The following JAZF1 variants were observed in gnomAD, a reference collection of about 807,000 sequenced individuals.
The protein encoded by JAZF1 is juxtaposed with another zinc finger protein 1.
JAZF1 carries 8 observed loss-of-function variants against 26.4 expected under a neutral mutation model. That is an observed-to-expected ratio of 0.30 (90% CI 0.18 to 0.55). JAZF1 has a LOEUF of 0.55. Ranked by LOEUF, JAZF1 falls within the 20% of genes least tolerant of loss-of-function variation. The pLI, the probability that JAZF1 is intolerant of heterozygous loss-of-function variation, is 0.94. For synonymous variants in JAZF1, 126 were observed against 122.3 expected, an observed-to-expected ratio of 1.03 and a Z score of -0.20; for missense variants, 199 against 322.0, an observed-to-expected ratio of 0.62 and a Z score of 2.92.
At chr7:27,907,790 T>G (rs1784288503) in intron 2 of JAZF1, among the ~76,000 whole-genome samples, 1 of 152,196 alleles carries the variant, frequency 6.6e-6, no homozygotes, top group Admixed American at 6.5e-5. Flanking sequence ...GCACACACAG[T>G]GGCTCTCGTG....
intron 1 of JAZF1, among the ~76,000 whole-genome samples, chr7:28,080,994 G>C (rs1237440196): frequency 6.6e-6 from 1 of 151,954 alleles, no homozygotes; most frequent in Non-Finnish European, 1.5e-5. Flanking sequence ...TGTGCCTGTA[G>C]GGGGGAAGGG....
intron 1 of JAZF1, among the ~76,000 whole-genome samples, chr7:28,086,921 G>A (rs1385739269): frequency 6.6e-6 from 1 of 152,098 alleles, no homozygotes; most frequent in Non-Finnish European, 1.5e-5. Context: ...TATTATAAGG[G>A]TGATGTACCC....
intron 1 of JAZF1, among the ~76,000 whole-genome samples, chr7:28,116,433 A>G (rs1172017700): frequency 6.6e-6 from 1 of 152,088 alleles, no homozygotes; most frequent in African/African-American, 2.4e-5. Context: ...TTTGAAAACA[A>G]TGTATTTCTT....
chr7:27,918,825 GA>G (rs370966663), intron 2 of JAZF1, among the ~76,000 whole-genome samples: 2,083 of 148,648 alleles, frequency 0.014, 39 homozygotes, highest in African/African-American at 0.038. Context: ...GGTGATAAGA[GA>G]AAAAAAAAAT....
intron 1 of JAZF1, among the ~76,000 whole-genome samples, chr7:28,007,361 G>C (rs2128369281): frequency 6.6e-6 from 1 of 152,246 alleles, no homozygotes; most frequent in Non-Finnish European, 1.5e-5. Context: ...CTGAGGTAGG[G>C]AGTTCGAGAT....
rs771544590 is a variant in JAZF1 at position 27,991,917 on chromosome 7, G to A, written c.180C>T (p.Tyr60=). The A allele has an allele frequency of 1.3e-6, 2 of 1,580,546 alleles. No homozygotes were observed. The highest frequency in any genetic ancestry group is 1.1e-5 in the South Asian group (1 of 88,786). Residue 60 remains tyrosine, a synonymous_variant, in exon 2 of 5, where the codon TAC becomes TAT. Coordinates refer to ENST00000283928, the MANE Select transcript of JAZF1 (RefSeq NM_175061.4). The part of the protein sequence containing the change: ...LQQPTYVALS[Y]INRFMTDAAR... ...TTCTGAAAATGGCTTACCTATTTATGTAACTCAGGGCAACATAGGTTGGCT... is the reference window on the plus strand; with the variant it reads ...TTCTGAAAATGGCTTACCTATTTATATAACTCAGGGCAACATAGGTTGGCT...
intron 1 of JAZF1, among the ~76,000 whole-genome samples, chr7:28,129,069 G>A (rs1157528410): frequency 6.6e-6 from 1 of 151,934 alleles, no homozygotes; most frequent in Non-Finnish European, 1.5e-5. Flanking sequence ...GACCCTTCAT[G>A]GCCAGCTGTC....
intron 2 of JAZF1, among the ~76,000 whole-genome samples, chr7:27,932,444 C>T (rs1424731952): frequency 1.3e-5 from 2 of 152,110 alleles, no homozygotes; most frequent in African/African-American, 4.8e-5. Flanking sequence ...GCCACAGACA[C>T]AGTCATCCAT....
At chr7:27,835,916 C>T (rs1782801758) in intron 4 of JAZF1, among the ~76,000 whole-genome samples, 1 of 152,116 alleles carries the variant, frequency 6.6e-6, no homozygotes, top group Non-Finnish European at 1.5e-5. Flanking sequence ...TTCAAAAGGG[C>T]AAGGAAAGTT....
rs187624610 is a variant in JAZF1 at position 27,831,423 on chromosome 7, T to G, written c.*1377A>C. The G allele has an allele frequency of 1.9e-3, 425 of 228,612 alleles. 1 individual carries two copies. Among genetic ancestry groups the G allele is most frequent in the African/African-American group, 8.5e-3 (386 of 45,156 alleles). The allele number at this position is 228,612 out of a possible 1,614,324, so 14.2% of individuals were successfully genotyped here. A position where few individuals can be genotyped will look rare whatever the true frequency, so the allele number is the denominator to read the frequency against. ...ATTTTTTATTGCATTATTAGGCAAC[T>G]GGTAAACTCTCGTGTTTAAGGAATA... On this transcript the variant is annotated 3_prime_UTR_variant, in exon 5 of 5. Coordinates refer to ENST00000283928, the MANE Select transcript of JAZF1 (RefSeq NM_175061.4).
chr7:28,145,401 AAAGAT>A (rs1783012520), intron 1 of JAZF1, among the ~76,000 whole-genome samples: 1 of 152,242 alleles, frequency 6.6e-6, no homozygotes, highest in Non-Finnish European at 1.5e-5. Context: ...AGGAAAATCC[AAAGAT>A]AAGAATAAAT....
Position 27,844,420 on chromosome 7 carries a change from C to G in JAZF1, c.386-3553G>C, listed in dbSNP as rs892563129. 3.3e-5 allele frequency: 5 copies of G among 152,174 alleles called. No individual in the cohort carries two copies. In the East Asian group the frequency reaches 5.8e-4, roughly 18 times the overall value. 9.4% of individuals were successfully genotyped at this position (152,174 alleles called of 1,614,324 possible). A position where few individuals can be genotyped will look rare whatever the true frequency, so the allele number is the denominator to read the frequency against. ...AACACTCACTGCAGAATGAACAAAT[C>G]CCCAGCAGTCTCCACACCTTTGCTA... On this transcript the variant is annotated intron_variant, in intron 3 of 4. Coordinates refer to ENST00000283928, the MANE Select transcript of JAZF1 (RefSeq NM_175061.4).
intron 1 of JAZF1, among the ~76,000 whole-genome samples, chr7:28,058,705 T>A (rs6955178): frequency 0.36 from 54,112 of 152,074 alleles, 11,387 homozygotes; most frequent in African/African-American, 0.58. Context: ...AATATTTTAC[T>A]TTTCCCATAA....
chr7:28,105,261 T>C (rs941449203), intron 1 of JAZF1, among the ~76,000 whole-genome samples: 1 of 152,328 alleles, frequency 6.6e-6, no homozygotes, highest in Middle Eastern at 3.4e-3. Flanking sequence ...TGGTTAGAAA[T>C]AGTTGTTTGG....
chr7:28,057,388 A>C (rs980510207), intron 1 of JAZF1, among the ~76,000 whole-genome samples: 2 of 152,200 alleles, frequency 1.3e-5, no homozygotes, highest in Non-Finnish European at 2.9e-5. Flanking sequence ...GCATGTTAAG[A>C]GTGATAATAG....
chr7:27,938,245 G>A (rs991281204), intron 2 of JAZF1, among the ~76,000 whole-genome samples: 2 of 152,170 alleles, frequency 1.3e-5, no homozygotes, highest in African/African-American at 4.8e-5. Flanking sequence ...GCTATTTTAT[G>A]TCCTCTTCTC....
At chr7:27,979,349 G>A (rs898873729) in intron 2 of JAZF1, among the ~76,000 whole-genome samples, 16 of 142,806 alleles carry the variant, frequency 1.1e-4, no homozygotes, top group African/African-American at 1.6e-4. Context: ...ATTAACAGGC[G>A]TGGCCAGGTA....
At chr7:28,020,549 T>C (rs771925202) in intron 1 of JAZF1, 1 of 471,242 alleles carries the variant, frequency 2.1e-6, no homozygotes, top group South Asian at 1.5e-5. Context: ...GTCATGACAC[T>C]TACGTTGTCC....
At chr7:27,954,386 G>T (rs897113898) in intron 2 of JAZF1, among the ~76,000 whole-genome samples, 1 of 152,200 alleles carries the variant, frequency 6.6e-6, no homozygotes, top group Admixed American at 6.5e-5. Flanking sequence ...CTGTGGAACA[G>T]AGTATGGTCG....
Sources: gnomAD v4.1 joint callset for allele counts (sites outside exome capture counted in the v4.1 genomes callset) on GRCh38, gnomAD v4.1.1 for gene constraint, MANE v1.5 for transcripts, NCBI Gene and HGNC (gene_info 2026-07-23, HGNC 2026-07-21) for gene names.